The following SLC22A3 variants were observed in gnomAD, a reference collection of about 807,000 sequenced individuals.
SLC22A3 encodes the protein EMT organic cation transporter 3.
A neutral mutation model predicts 59.1 loss-of-function variants in SLC22A3; 51 were observed. That is an observed-to-expected ratio of 0.86 (90% CI 0.69 to 1.09). The LOEUF is 1.09. Among genes scored for constraint, SLC22A3 ranks in the 50% least tolerant of loss-of-function variants. SLC22A3 has a pLI of 0.00. For synonymous variants in SLC22A3, 325 were observed against 292.0 expected, an observed-to-expected ratio of 1.11 and a Z score of -1.15; for missense variants, 711 against 726.3, an observed-to-expected ratio of 0.98 and a Z score of 0.24.
intron 1 of SLC22A3, among the ~76,000 whole-genome samples, chr6:160,389,359 A>G (rs370044120): frequency 2.0e-5 from 3 of 152,184 alleles, no homozygotes; most frequent in African/African-American, 7.2e-5. Context: ...GCAGGAGAAC[A>G]TCAATTCTGT....
chr6:160,450,877 A>G (rs758893010), intron 10 of SLC22A3, 119 bp from the exon 11 acceptor site: 27 of 919,284 alleles, frequency 2.9e-5, no homozygotes, highest in Non-Finnish European at 4.3e-5. Context: ...GTTACCTTAG[A>G]GTTGGGTTTT....
intron 1 of SLC22A3, among the ~76,000 whole-genome samples, chr6:160,353,398 C>G (rs486339): frequency 0.5 from 76,237 of 151,950 alleles, 19,444 homozygotes; most frequent in African/African-American, 0.59. Flanking sequence ...GCTGGGGATA[C>G]AAAGATACAC....
At chr6:160,384,880 G>A (rs1033646499) in intron 1 of SLC22A3, among the ~76,000 whole-genome samples, 1 of 152,152 alleles carries the variant, frequency 6.6e-6, no homozygotes, top group Non-Finnish European at 1.5e-5. Context: ...AGCAGGCTCC[G>A]CACAGTGGGC....
chr6:160,400,761 A>C (rs1372732959), intron 2 of SLC22A3, among the ~76,000 whole-genome samples: 1 of 152,114 alleles, frequency 6.6e-6, no homozygotes, highest in African/African-American at 2.4e-5. Flanking sequence ...AATGTAAAAC[A>C]ACTATGCCAA....
chr6:160,404,051 T>C (rs533788187), intron 2 of SLC22A3, among the ~76,000 whole-genome samples: 17 of 152,168 alleles, frequency 1.1e-4, no homozygotes, highest in Non-Finnish European at 2.2e-4. Flanking sequence ...TTCAATGCCA[T>C]GCTAGAAGCC....
At chr6:160,351,417 T>C (rs977207489) in intron 1 of SLC22A3, among the ~76,000 whole-genome samples, 19 of 152,228 alleles carry the variant, frequency 1.2e-4, no homozygotes, top group African/African-American at 4.6e-4. Context: ...GCCCAGCCTC[T>C]TTTTAAATTC....
chr6:160,354,978 C>T (rs1308057548), intron 1 of SLC22A3, among the ~76,000 whole-genome samples: 1 of 152,154 alleles, frequency 6.6e-6, no homozygotes, highest in Non-Finnish European at 1.5e-5. Flanking sequence ...AACCTTCCTC[C>T]TGCAGTCCCC....
chr6:160,418,868 G>T (rs545343287), intron 5 of SLC22A3, among the ~76,000 whole-genome samples: 1 of 152,124 alleles, frequency 6.6e-6, no homozygotes, highest in African/African-American at 2.4e-5. Context: ...CTATACTGGC[G>T]CAATAAACCC....
At chr6:160,380,575 A>C (rs1189035072) in intron 1 of SLC22A3, among the ~76,000 whole-genome samples, 2 of 152,198 alleles carry the variant, frequency 1.3e-5, no homozygotes, top group Non-Finnish European at 2.9e-5. Context: ...TACATAGACA[A>C]AGGTCTAGAA....
intron 5 of SLC22A3, among the ~76,000 whole-genome samples, chr6:160,431,187 T>G (rs1365847755): frequency 1.3e-5 from 2 of 152,232 alleles, no homozygotes; most frequent in African/African-American, 4.8e-5. Flanking sequence ...TTTGTTTTTT[T>G]GTGTGTCTGA....
At chr6:160,427,316 A>G (rs1787999961) in intron 5 of SLC22A3, among the ~76,000 whole-genome samples, 1 of 152,226 alleles carries the variant, frequency 6.6e-6, no homozygotes, top group Non-Finnish European at 1.5e-5. Context: ...TTGAGAATGT[A>G]GTCGGGACTT....
chr6:160,448,462 TACAG>T (rs1479526475), intron 10 of SLC22A3, among the ~76,000 whole-genome samples: 1 of 151,834 alleles, frequency 6.6e-6, no homozygotes, highest in African/African-American at 2.4e-5. Flanking sequence ...GATAGATAGA[TACAG>T]ATAGATAAAT....
intron 1 of SLC22A3, among the ~76,000 whole-genome samples, 160 bp from the exon 2 acceptor site, chr6:160,397,819 A>T (rs1383353762): frequency 6.6e-6 from 1 of 152,166 alleles, no homozygotes; most frequent in Non-Finnish European, 1.5e-5. Context: ...AAGGATATTT[A>T]TGTGTTAATG....
In SLC22A3 at chr6:160,451,020, G is replaced by A; in HGVS notation, c.1635G>A (p.Arg545=). The A allele has an allele frequency of 6.3e-7, 1 of 1,595,758 alleles. No individual in the cohort carries two copies. Among genetic ancestry groups the A allele is most frequent in the Non-Finnish European group, 8.6e-7 (1 of 1,169,378 alleles). The part of the protein sequence containing the change: ...LGSPHSCKCG[R]NKKTPVSRSH... ...GTCCACATTCCTGTAAATGTGGCAGGAATAAGAAAACCCCAGTTTCCCGCT... is the reference window on the plus strand; with the variant it reads ...GTCCACATTCCTGTAAATGTGGCAGAAATAAGAAAACCCCAGTTTCCCGCT... The change falls in exon 11 of 11, where the codon AGG becomes AGA. Residue 545 remains arginine, a synonymous_variant. Transcript: ENST00000275300.
intron 5 of SLC22A3, among the ~76,000 whole-genome samples, chr6:160,436,052 A>G (rs937388677): frequency 6.6e-6 from 1 of 152,092 alleles, no homozygotes; most frequent in African/African-American, 2.4e-5. Context: ...TAAAATCAGG[A>G]CTGAGGAGGT....
intron 1 of SLC22A3, among the ~76,000 whole-genome samples, chr6:160,374,513 G>A (rs1321981612): frequency 1.3e-5 from 2 of 152,230 alleles, no homozygotes; most frequent in Admixed American, 6.5e-5. Context: ...TGAATGAACT[G>A]TTTTTTCACT....
intron 1 of SLC22A3, among the ~76,000 whole-genome samples, chr6:160,383,169 G>C (rs948150576): frequency 6.6e-6 from 1 of 152,220 alleles, no homozygotes; most frequent in African/African-American, 2.4e-5. Flanking sequence ...AGCAGTTCGA[G>C]TGAACTTTCC....
Position 160,348,389 on chromosome 6 carries a change from C to A in SLC22A3, c.-31C>A. 1 of 1,423,426 alleles carries A rather than the reference C, an allele frequency of 7.0e-7. No homozygotes were observed. Among genetic ancestry groups the A allele is most frequent in the Non-Finnish European group, 9.1e-7 (1 of 1,094,794 alleles). The allele number at this position is 1,423,426 out of a possible 1,614,324, so 88.2% of individuals were successfully genotyped here. On this transcript the variant is annotated 5_prime_UTR_variant, in exon 1 of 11. Coordinates refer to ENST00000275300, the MANE Select transcript of SLC22A3 (RefSeq NM_021977.4). ...TGGGTCCGCGGGTCACTCCGAGGCG[C>A]GGGCTGCGGGCGGCGGGCGGCGGGC...
intron 10 of SLC22A3, among the ~76,000 whole-genome samples, chr6:160,450,341 C>G (rs1362859174): frequency 6.6e-6 from 1 of 152,192 alleles, no homozygotes; most frequent in African/African-American, 2.4e-5. Context: ...TATAGGCTCT[C>G]TGCAAGAAGA....
Sources: allele counts gnomAD v4.1 joint callset (sites outside exome capture counted in the v4.1 genomes callset), GRCh38; gene constraint gnomAD v4.1.1; transcripts MANE v1.5; gene names NCBI Gene and HGNC (gene_info 2026-07-23, HGNC 2026-07-21).